The following SH3PXD2B variants were observed in gnomAD, a reference collection of about 807,000 sequenced individuals.
The protein encoded by SH3PXD2B is SH3 and PX domain-containing protein 2B.
A neutral mutation model predicts 73.1 loss-of-function variants in SH3PXD2B; 37 were observed. The ratio of observed to expected loss-of-function variants is 0.51; its 90% confidence interval spans 0.39 to 0.67. The LOEUF is 0.67. SH3PXD2B is among the 30% of genes least tolerant of loss of function. SH3PXD2B has a pLI of 0.00. For missense variants in SH3PXD2B, 1,053 were observed against 1,197.8 expected, an observed-to-expected ratio of 0.88 and a Z score of 1.78; for synonymous variants, 457 against 480.5, an observed-to-expected ratio of 0.95 and a Z score of 0.64.
At chr5:172,325,352 G>T in exon 13 of SH3PXD2B, 1 of 1,535,508 alleles carries the variant, frequency 6.5e-7, no homozygotes, top group Non-Finnish European at 8.7e-7. Context: ...GACTTCCACA[G>T]GGCTCTCCAA....
chr5:172,422,087 C>T (rs775837052), intron 2 of SH3PXD2B, among the ~76,000 whole-genome samples: 5 of 151,994 alleles, frequency 3.3e-5, no homozygotes, highest in African/African-American at 9.7e-5. Context: ...CTCTGCCTCC[C>T]GGGTTCAAGC....
intron 2 of SH3PXD2B, among the ~76,000 whole-genome samples, chr5:172,411,692 C>CA (rs1758701888): frequency 6.6e-6 from 1 of 152,108 alleles, no homozygotes; most frequent in Non-Finnish European, 1.5e-5. Flanking sequence ...GGGGAGCACA[C>CA]CAGATGCTCA....
intron 6 of SH3PXD2B, 61 bp downstream of exon 6, chr5:172,373,729 G>A (rs1757759362): frequency 1.3e-6 from 2 of 1,538,762 alleles, no homozygotes; most frequent in Non-Finnish European, 1.8e-6. Flanking sequence ...GTGCACAGTT[G>A]GTGCTCGGCT....
At chr5:172,417,704 C>T (rs974766448) in intron 2 of SH3PXD2B, among the ~76,000 whole-genome samples, 7 of 152,200 alleles carry the variant, frequency 4.6e-5, no homozygotes, top group African/African-American at 1.7e-4. Context: ...CTAGCAGCAC[C>T]CATGCCCATC....
intron 4 of SH3PXD2B, among the ~76,000 whole-genome samples, chr5:172,390,092 A>C (rs1170947190): frequency 6.6e-6 from 1 of 152,216 alleles, no homozygotes; most frequent in Admixed American, 6.5e-5. Flanking sequence ...GCACAATATC[A>C]ATGTTATTTG....
intron 2 of SH3PXD2B, among the ~76,000 whole-genome samples, chr5:172,418,517 C>A (rs1758878267): frequency 6.6e-6 from 1 of 152,192 alleles, no homozygotes; most frequent in South Asian, 2.1e-4. Flanking sequence ...TCTGAAAATA[C>A]CAGGGCTGCT....
chr5:172,385,587 C>T (rs1253017966), intron 4 of SH3PXD2B, among the ~76,000 whole-genome samples: 2 of 152,220 alleles, frequency 1.3e-5, no homozygotes, highest in African/African-American at 4.8e-5. Context: ...CCATGTGTCT[C>T]TGCTAGAGGA....
intron 3 of SH3PXD2B, among the ~76,000 whole-genome samples, chr5:172,402,031 T>C (rs1207312515): frequency 2.6e-5 from 4 of 152,214 alleles, no homozygotes; most frequent in Admixed American, 1.3e-4. Flanking sequence ...GCCTGAGAGC[T>C]GGGCGGAACA....
intron 1 of SH3PXD2B, 42 bp from the exon 2 acceptor site, chr5:172,422,538 T>G (rs1269539743): frequency 8.9e-6 from 14 of 1,574,944 alleles, no homozygotes; most frequent in Non-Finnish European, 1.2e-5. Flanking sequence ...CACCAGAAGG[T>G]GGTCTCCCAA....
Position 172,358,897 on chromosome 5 carries a change from G to C in SH3PXD2B, c.563-20C>G. 1 of 1,609,844 alleles carries C rather than the reference G, an allele frequency of 6.2e-7. No homozygotes were observed. Among genetic ancestry groups the C allele is most frequent in the Non-Finnish European group, 8.5e-7 (1 of 1,177,174 alleles). On this transcript the variant is annotated intron_variant, in intron 7 of 12. Transcript: ENST00000311601. ...ACCAACCTGGGGAAGCAAGAGTGCA[G>C]AATGATGTTAGTTGCATCAAGCATG...
intron 6 of SH3PXD2B, among the ~76,000 whole-genome samples, chr5:172,369,492 G>A (rs1029837050): frequency 6.6e-5 from 10 of 152,130 alleles, no homozygotes; most frequent in African/African-American, 9.6e-5. Flanking sequence ...CAGCTTTGCC[G>A]GGCGCAGTGG....
intron 7 of SH3PXD2B, among the ~76,000 whole-genome samples, chr5:172,361,903 G>T (rs1757412855): frequency 6.6e-6 from 1 of 152,150 alleles, no homozygotes; most frequent in African/African-American, 2.4e-5. Flanking sequence ...CTGTCACAGA[G>T]ACTGACCCAC....
intron 5 of SH3PXD2B, among the ~76,000 whole-genome samples, chr5:172,377,929 T>C (rs973332975): frequency 2.0e-5 from 3 of 151,712 alleles, no homozygotes; most frequent in African/African-American, 7.3e-5. Context: ...CCTCCCTATC[T>C]GGCTGATGAA....
chr5:172,329,540 C>CTTTTTTTTTTTTT (rs370876232), downstream of SH3PXD2B, among the ~76,000 whole-genome samples: 29 of 106,438 alleles, frequency 2.7e-4, 5 homozygotes, highest in South Asian at 3.3e-4. Flanking sequence ...CTTTGTTATT[C>CTTTTTTTTTTTTT]TTTTTTTTTT....
chr5:172,348,650 C>G (rs949428363), intron 10 of SH3PXD2B, among the ~76,000 whole-genome samples: 7,611 of 77,464 alleles, frequency 0.098, 653 homozygotes, highest in African/African-American at 0.27. Flanking sequence ...ATCTATCTAT[C>G]TATCCTATCT....
intron 3 of SH3PXD2B, among the ~76,000 whole-genome samples, chr5:172,404,448 C>T (rs541309829): frequency 3.2e-4 from 48 of 152,120 alleles, no homozygotes; most frequent in South Asian, 2.3e-3. Flanking sequence ...CCCGCCACCA[C>T]GCCCAGCTAA....
chr5:172,439,690 G>GCACACACACACACACACACA (rs1488784600), intron 1 of SH3PXD2B, among the ~76,000 whole-genome samples: 53 of 113,214 alleles, frequency 4.7e-4, no homozygotes, highest in Non-Finnish European at 7.2e-4. Flanking sequence ...GCGCACGCGC[G>GCACACACACACACACACACA]CGCACACACA....
chr5:172,326,460 TG>T (rs1382321293), intron 12 of SH3PXD2B, among the ~76,000 whole-genome samples: 14 of 152,180 alleles, frequency 9.2e-5, no homozygotes, highest in Admixed American at 9.2e-4. Context: ...TGCTGGTGTG[TG>T]GCCCTCCAAG....
rs1561908418 is a variant in SH3PXD2B, at chr5:172,368,627, T to TA, written c.427+5162dup. On this transcript the variant is annotated intron_variant, in intron 6 of 12. Transcript: ENST00000311601. ...ATATAATATATATGTTATATATATA[T>TA]ATAATATATATGTTATATATATAAA... Among the ~76,000 whole-genome samples the TA allele has an allele frequency of 4.0e-3, 47 of 11,640 alleles. 10 individuals are homozygous for TA. The highest frequency in any genetic ancestry group is 0.091 in the Middle Eastern group (2 of 22). 7.6% of individuals were successfully genotyped at this position (11,640 alleles called of 152,430 possible).
Sources: gnomAD v4.1 joint callset for allele counts (sites outside exome capture counted in the v4.1 genomes callset) on GRCh38, gnomAD v4.1.1 for gene constraint, MANE v1.5 for transcripts, NCBI Gene and HGNC (gene_info 2026-07-23, HGNC 2026-07-21) for gene names.